Variants in MAF observed in about 807,000 individuals in gnomAD.
MAF encodes transcription factor Maf.
Under a neutral mutation model 22.0 loss-of-function variants are expected in MAF, and 10 were observed. The observed-to-expected ratio is 0.45, with a 90% CI of 0.28 to 0.77. The LOEUF is 0.77. Among genes scored for constraint, MAF ranks in the 30% least tolerant of loss-of-function variants. The probability of loss-of-function intolerance (pLI) is 0.12; values close to 1 mark genes in which losing one functional copy is unlikely to be tolerated. For synonymous variants in MAF, 337 were observed against 255.8 expected, an observed-to-expected ratio of 1.32 and a Z score of -3.03; for missense variants, 544 against 548.4, an observed-to-expected ratio of 0.99 and a Z score of 0.08.
At chr16:79,259,497 A>G in the MAF span, among the ~76,000 whole-genome samples, 3 of 152,256 alleles carry the variant, frequency 2.0e-5, no homozygotes, top group East Asian at 1.9e-4. Flanking sequence ...AGGTGGCTCC[A>G]TGACACTAAG....
At chr16:79,209,294 A>C in the MAF span, among the ~76,000 whole-genome samples, 1 of 152,256 alleles carries the variant, frequency 6.6e-6, no homozygotes, top group Non-Finnish European at 1.5e-5. Flanking sequence ...ATGGGACTGC[A>C]GAATTTCTTA....
At chr16:79,269,023 C>T in the MAF span, among the ~76,000 whole-genome samples, 10 of 152,200 alleles carry the variant, frequency 6.6e-5, no homozygotes, top group African/African-American at 2.4e-4. Context: ...TTGATATTTG[C>T]TAGTTTCCAA....
the MAF span, among the ~76,000 whole-genome samples, chr16:79,267,624 T>C: frequency 6.6e-6 from 1 of 152,322 alleles, no homozygotes; most frequent in East Asian, 1.9e-4. Context: ...CACCGGGTAG[T>C]ATGACATGGA....
chr16:79,474,419 G>A, the MAF span, among the ~76,000 whole-genome samples: 1 of 152,170 alleles, frequency 6.6e-6, no homozygotes, highest in Non-Finnish European at 1.5e-5. Flanking sequence ...CTGAGCAAGT[G>A]CCTGGCTGGC....
chr16:79,371,667 T>G, the MAF span, among the ~76,000 whole-genome samples: 1 of 152,204 alleles, frequency 6.6e-6, no homozygotes, highest in Admixed American at 6.5e-5. Flanking sequence ...TTCCCATGGT[T>G]AGTTCCTCCT....
At chr16:79,238,657 G>A in the MAF span, among the ~76,000 whole-genome samples, 6 of 151,890 alleles carry the variant, frequency 4.0e-5, no homozygotes, top group South Asian at 2.1e-4. Flanking sequence ...AATTTAATTC[G>A]AATTTTAGAT....
At chr16:79,492,694 A>G in the MAF span, among the ~76,000 whole-genome samples, 1 of 152,236 alleles carries the variant, frequency 6.6e-6, no homozygotes, top group African/African-American at 2.4e-5. Flanking sequence ...TCAGCAAGAA[A>G]AAAAAAACAA....
chr16:79,418,286 C>A, the MAF span, among the ~76,000 whole-genome samples: 2 of 152,078 alleles, frequency 1.3e-5, no homozygotes, highest in East Asian at 3.9e-4. Context: ...TTCTCATTAT[C>A]TGGGGACAGT....
At chr16:79,467,547 C>T in the MAF span, among the ~76,000 whole-genome samples, 1 of 152,096 alleles carries the variant, frequency 6.6e-6, no homozygotes, top group Non-Finnish European at 1.5e-5. Context: ...GGATGTGAAC[C>T]CAGGTGATTC....
At chr16:79,587,869 A>AG (rs5818249) in intron 1 of MAF, among the ~76,000 whole-genome samples, 15,521 of 118,150 alleles carry the variant, frequency 0.13, 1,274 homozygotes, top group Middle Eastern at 0.18. Context: ...TACTTTCAAA[A>AG]GGGGGGGGGG....
chr16:79,378,795 A>G, the MAF span, among the ~76,000 whole-genome samples: 3 of 152,186 alleles, frequency 2.0e-5, no homozygotes, highest in Non-Finnish European at 4.4e-5. Context: ...TTGGGCATTT[A>G]GATTACTGTT....
At chr16:79,510,530 G>A in the MAF span, among the ~76,000 whole-genome samples, 2 of 152,124 alleles carry the variant, frequency 1.3e-5, no homozygotes, top group African/African-American at 4.8e-5. Flanking sequence ...GTTCCAGAAT[G>A]GAAGGTTCTG....
At chr16:79,515,578 G>A in the MAF span, among the ~76,000 whole-genome samples, 25 of 152,208 alleles carry the variant, frequency 1.6e-4, no homozygotes, top group African/African-American at 5.1e-4. Flanking sequence ...TGAATTAAAT[G>A]CATTTTTGAC....
chr16:79,538,255 G>A, the MAF span, among the ~76,000 whole-genome samples: 400 of 152,242 alleles, frequency 2.6e-3, 3 homozygotes, highest in African/African-American at 6.9e-3. Flanking sequence ...GCCCTGAAAC[G>A]TTTCTGTGTG....
chr16:79,424,789 T>C, the MAF span, among the ~76,000 whole-genome samples: 1 of 152,234 alleles, frequency 6.6e-6, no homozygotes, highest in Non-Finnish European at 1.5e-5. Context: ...GATATACCTA[T>C]GCTTTAAAAA....
At chr16:79,520,596 C>T in the MAF span, among the ~76,000 whole-genome samples, 1 of 152,100 alleles carries the variant, frequency 6.6e-6, no homozygotes, top group African/African-American at 2.4e-5. Context: ...GCCCCTACCA[C>T]AAAATGGTGG....
the MAF span, among the ~76,000 whole-genome samples, chr16:79,405,624 C>T: frequency 1.3e-3 from 197 of 152,222 alleles, no homozygotes; most frequent in African/African-American, 4.6e-3. Context: ...CTGATTTTTC[C>T]AAATAGCAAA....
chr16:79,254,247 C>T, the MAF span, among the ~76,000 whole-genome samples: 1 of 152,092 alleles, frequency 6.6e-6, no homozygotes, highest in Admixed American at 6.6e-5. Context: ...AGATCATTCT[C>T]TCCCTGCCTC....
the MAF span, among the ~76,000 whole-genome samples, chr16:79,442,142 C>T: frequency 1.3e-5 from 2 of 152,326 alleles, no homozygotes; most frequent in South Asian, 4.1e-4. Context: ...AATTATGAAT[C>T]AATTTCTGTT....
Sources: allele counts gnomAD v4.1 joint callset (sites outside exome capture counted in the v4.1 genomes callset), GRCh38; gene constraint gnomAD v4.1.1; transcripts MANE v1.5; gene names NCBI Gene and HGNC (gene_info 2026-07-23, HGNC 2026-07-21).